The following TBCD variants were observed in gnomAD, a reference collection of about 807,000 sequenced individuals.
The protein encoded by TBCD is tubulin-specific chaperone D.
In TBCD, 105 loss-of-function variants were observed where a neutral mutation model predicts 169.3. The ratio of observed to expected loss-of-function variants is 0.62; its 90% CI spans 0.53 to 0.73. The LOEUF (loss-of-function observed/expected upper bound fraction) is 0.73, where lower values mean the gene tolerates loss of function less well. Among genes scored for constraint, TBCD ranks in the 30% least tolerant of loss-of-function variants. The pLI, the probability that TBCD is intolerant of heterozygous loss-of-function variation, is 0.00. For synonymous variants in TBCD, 700 were observed against 643.9 expected (o/e 1.09, Z -1.32); for missense variants, 1,444 against 1,600.1 (o/e 0.90, Z 1.66).
chr17:82,933,703 G>A (rs1481373381), intron 34 of TBCD, among the ~76,000 whole-genome samples: 1 of 152,026 alleles, frequency 6.6e-6, no homozygotes, highest in African/African-American at 2.4e-5. Context: ...CCGCAACCCC[G>A]TCCCGGGTTC....
At chr17:82,752,543 A>C (rs928871819) in intron 1 of TBCD, among the ~76,000 whole-genome samples, 166 bp downstream of exon 1, 18 of 151,918 alleles carry the variant, frequency 1.2e-4, no homozygotes, top group Non-Finnish European at 2.1e-4. Flanking sequence ...CCTAGGCGGG[A>C]GAGGGCCACC....
chr17:82,803,714 G>A (rs990137171), intron 9 of TBCD, among the ~76,000 whole-genome samples: 5 of 152,180 alleles, frequency 3.3e-5, no homozygotes, highest in Non-Finnish European at 5.9e-5. Flanking sequence ...TAAGTCTTCC[G>A]TCCGAGTCTC....
chr17:82,820,457 A>C (rs2052322835), intron 13 of TBCD, among the ~76,000 whole-genome samples: 1 of 152,220 alleles, frequency 6.6e-6, no homozygotes, highest in Non-Finnish European at 1.5e-5. Context: ...TTTGGGTAAT[A>C]ATAACTAGCA....
chr17:82,787,938 A>G (rs1251632796), intron 7 of TBCD, among the ~76,000 whole-genome samples: 3 of 152,238 alleles, frequency 2.0e-5, no homozygotes, highest in Non-Finnish European at 4.4e-5. Flanking sequence ...AGAAAAACAC[A>G]TTAAAAATGG....
In TBCD at chr17:82,832,012, C is replaced by T; in HGVS notation, c.1318+17078C>T. 1 of 1,612,590 alleles carries T rather than the reference C, an allele frequency of 6.2e-7. No homozygotes were observed. ...TGCGCCTTCCAGAGCAGGCTGGGCACCGAGGGCGGCTTCCGGAGCTGGGCT... is the reference window on the plus strand; with the variant it reads ...TGCGCCTTCCAGAGCAGGCTGGGCATCGAGGGCGGCTTCCGGAGCTGGGCT... On this transcript the variant is annotated intron_variant, in intron 13 of 38. Transcript: ENST00000355528. This position sits in a 1 kb window ranked among gnomAD's most constrained non-coding sequence, Gnocchi z 4.9.
chr17:82,921,315 G>C (rs905633081), intron 24 of TBCD, 186 bp from the exon 25 acceptor site: 2 of 607,568 alleles, frequency 3.3e-6, no homozygotes, highest in Non-Finnish European at 6.0e-6. Flanking sequence ...CAATTTAACA[G>C]CCATGAGAGG....
At chr17:82,828,658 A>G (rs2053173611) in intron 13 of TBCD, among the ~76,000 whole-genome samples, 1 of 151,278 alleles carries the variant, frequency 6.6e-6, no homozygotes, top group Non-Finnish European at 1.5e-5. Context: ...ACCTGCAGAT[A>G]TGTACACATG....
At chr17:82,876,488 G>C (rs189440132) in intron 14 of TBCD, among the ~76,000 whole-genome samples, 1 of 152,286 alleles carries the variant, frequency 6.6e-6, no homozygotes, top group East Asian at 1.9e-4. Flanking sequence ...TGTTGGAGTA[G>C]TCCTTTAGGA....
intron 13 of TBCD, among the ~76,000 whole-genome samples, chr17:82,838,368 G>A (rs1174951284): frequency 6.6e-6 from 1 of 151,938 alleles, no homozygotes; most frequent in African/African-American, 2.4e-5. Context: ...CACAGCGGAA[G>A]TAATTACAGT....
intron 6 of TBCD, among the ~76,000 whole-genome samples, chr17:82,774,117 C>G (rs2048442518): frequency 6.7e-6 from 1 of 150,100 alleles, no homozygotes; most frequent in Non-Finnish European, 1.5e-5. Context: ...TTGGCAGGGT[C>G]ATAGGACAAT....
chr17:82,899,649 C>T (rs2059757174), intron 17 of TBCD, among the ~76,000 whole-genome samples: 1 of 152,208 alleles, frequency 6.6e-6, no homozygotes, highest in Admixed American at 6.5e-5. Context: ...ATTTTCATTT[C>T]TTTCAGATAA....
intron 15 of TBCD, among the ~76,000 whole-genome samples, chr17:82,885,148 G>A (rs900721159): frequency 2.0e-5 from 3 of 152,102 alleles, no homozygotes; most frequent in Non-Finnish European, 2.9e-5. Flanking sequence ...TGGAAGGGGT[G>A]CTGGGACTGG....
rs144929768 is a variant in TBCD, at chr17:82,888,622, T to G, written c.1534-1046T>G. Among the ~76,000 whole-genome samples the G allele has an allele frequency of 8.9e-4, 136 of 152,332 alleles. 1 individual carries two copies. The highest frequency in any genetic ancestry group is 3.2e-3 in the African/African-American group (131 of 41,580). On this transcript the variant is annotated intron_variant, in intron 15 of 38. Coordinates refer to ENST00000355528, the MANE Select transcript of TBCD (RefSeq NM_005993.5). ...CTCCAGCCCAGCCCAGGGGTCTGCC[T>G]TGGAGCCACCCGCACGTCTGGTTTC...
Position 82,752,310 on chromosome 17 carries a change from G to T in TBCD, c.117G>T (p.Leu39=). The change falls in exon 1 of 39, where the codon CTG becomes CTT. Residue 39 remains leucine (L), a synonymous_variant. Coordinates refer to ENST00000355528, the MANE Select transcript of TBCD (RefSeq NM_005993.5). ...GCGAGAGCGCGGAGACCCGGGCGCTGCTGGGCCGCCTGCGGGAGGTGCACG... is the reference window on the plus strand; with the variant it reads ...GCGAGAGCGCGGAGACCCGGGCGCTTCTGGGCCGCCTGCGGGAGGTGCACG... The part of the protein sequence containing the change: ...AFGESAETRA[L]LGRLREVHGG... 8.1e-6 allele frequency: 12 copies of T among 1,490,062 alleles called. No homozygotes were observed. Among genetic ancestry groups the T allele is most frequent in the Non-Finnish European group, 1.1e-5 (12 of 1,128,304 alleles). The allele number at this position is 1,490,062 out of a possible 1,614,324, so 92.3% of individuals were successfully genotyped here.
At position 82,923,840 on chromosome 17, in the gene TBCD, A is replaced by G; in HGVS notation, c.2260+107A>G. On this transcript the variant is annotated intron_variant, in intron 26 of 38. Coordinates refer to ENST00000355528, the MANE Select transcript of TBCD (RefSeq NM_005993.5). This position sits in a 1 kb window ranked among gnomAD's most constrained non-coding sequence, Gnocchi z 4.6. ...CTCGGTTGTGCAGTGGAGCAGAGCC[A>G]CCACGATCATGGCTGGAGTGGGACT... The G allele has an allele frequency of 1.1e-6, 1 of 886,378 alleles. No homozygotes were observed. Among genetic ancestry groups the G allele is most frequent in the East Asian group, 2.7e-5 (1 of 37,202 alleles). The allele number at this position is 886,378 out of a possible 1,614,324, so 54.9% of individuals were successfully genotyped here.
At chr17:82,770,444 A>G (rs904522329) in intron 5 of TBCD, among the ~76,000 whole-genome samples, 2 of 152,048 alleles carry the variant, frequency 1.3e-5, no homozygotes. Context: ...TACTAAAAAT[A>G]CAACATTAGC....
intron 13 of TBCD, among the ~76,000 whole-genome samples, chr17:82,842,785 T>C (rs926044092): frequency 6.9e-6 from 1 of 145,784 alleles, no homozygotes; most frequent in South Asian, 2.2e-4. Context: ...TCTTTCTTTT[T>C]TTTTTTTTTT....
chr17:82,928,980 C>A, intron 30 of TBCD, 133 bp from the exon 31 acceptor site: 5 of 1,166,434 alleles, frequency 4.3e-6, no homozygotes, highest in Non-Finnish European at 5.9e-6. Flanking sequence ...AACTCAGCCA[C>A]CATGTCCCGA....
At chr17:82,767,530 C>A (rs1332852016) in intron 4 of TBCD, among the ~76,000 whole-genome samples, 1 of 152,056 alleles carries the variant, frequency 6.6e-6, no homozygotes, top group Non-Finnish European at 1.5e-5. Flanking sequence ...CAACCTCTGT[C>A]TCCCAGGTTC....
Sources: allele counts gnomAD v4.1 joint callset (sites outside exome capture counted in the v4.1 genomes callset), GRCh38; gene constraint gnomAD v4.1.1; non-coding constraint Gnocchi (gnomAD v3.1); transcripts MANE v1.5; gene names NCBI Gene and HGNC (gene_info 2026-07-23, HGNC 2026-07-21).